Variants in GRID2 observed in about 807,000 individuals in gnomAD.
The protein encoded by GRID2 is glutamate receptor ionotropic, delta-2.
Under a neutral mutation model 114.8 loss-of-function variants are expected in GRID2, and 33 were observed. The observed-to-expected ratio is 0.29, with a 90% CI of 0.22 to 0.38. GRID2 has a LOEUF of 0.38. GRID2 is among the 10% of genes least tolerant of loss of function. The pLI is 1.00. For synonymous variants in GRID2, 505 were observed against 449.9 expected, an observed-to-expected ratio of 1.12 and a Z score of -1.55; for missense variants, 1,184 against 1,257.7, an observed-to-expected ratio of 0.94 and a Z score of 0.89.
chr4:92,611,131 CATGTGTGTGTGT>C (rs895455449), intron 2 of GRID2, among the ~76,000 whole-genome samples: 7 of 124,090 alleles, frequency 5.6e-5, no homozygotes, highest in Non-Finnish European at 8.6e-5. Context: ...TGTGTGTGTG[CATGTGTGTGTGT>C]GCATGTGTGT....
chr4:93,701,029 GCTTCA>G (rs1727463154), intron 14 of GRID2, among the ~76,000 whole-genome samples: 1 of 152,058 alleles, frequency 6.6e-6, no homozygotes, highest in Non-Finnish European at 1.5e-5. Flanking sequence ...TAATAAGCAA[GCTTCA>G]CAAAGAGTTA....
At chr4:93,518,014 TAC>T in intron 13 of GRID2, among the ~76,000 whole-genome samples, 1 of 42,296 alleles carries the variant, frequency 2.4e-5, no homozygotes. Context: ...TGTATGTATA[TAC>T]ATACATGTAC....
At chr4:92,867,289 G>GA (rs1744936853) in intron 2 of GRID2, among the ~76,000 whole-genome samples, 1 of 151,954 alleles carries the variant, frequency 6.6e-6, no homozygotes, top group African/African-American at 2.4e-5. Context: ...CAAAGTCACT[G>GA]AAAAAAAGTG....
At chr4:93,627,182 A>G (rs1296827358) in intron 14 of GRID2, among the ~76,000 whole-genome samples, 1 of 152,168 alleles carries the variant, frequency 6.6e-6, no homozygotes. Flanking sequence ...TTCCACATAG[A>G]AGTATATCCA....
chr4:92,444,744 G>A (rs372117949), intron 1 of GRID2, among the ~76,000 whole-genome samples: 2 of 152,140 alleles, frequency 1.3e-5, no homozygotes, highest in African/African-American at 4.8e-5. Context: ...CATAATAAAT[G>A]ACAAATGCCA....
intron 13 of GRID2, among the ~76,000 whole-genome samples, chr4:93,594,651 G>A (rs1050798060): frequency 6.6e-6 from 1 of 151,866 alleles, no homozygotes; most frequent in African/African-American, 2.4e-5. Flanking sequence ...CCCTCCCCCA[G>A]CCTCGCTGCC....
At chr4:92,837,454 G>T (rs1385649392) in intron 2 of GRID2, among the ~76,000 whole-genome samples, 1 of 148,176 alleles carries the variant, frequency 6.7e-6, no homozygotes, top group Non-Finnish European at 1.5e-5. Context: ...TCTAGACATA[G>T]CCTGTATTTG....
chr4:92,593,677 TTC>T (rs1043231997), intron 2 of GRID2, among the ~76,000 whole-genome samples: 1 of 151,782 alleles, frequency 6.6e-6, no homozygotes, highest in African/African-American at 2.4e-5. Context: ...AGAAAAAAAT[TTC>T]TGTTTTCACA....
intron 4 of GRID2, among the ~76,000 whole-genome samples, chr4:93,197,100 T>A (rs1365230828): frequency 6.6e-6 from 1 of 152,284 alleles, no homozygotes. Flanking sequence ...TTAGTCTCTT[T>A]CTCTATCAGT....
At chr4:92,834,956 G>A (rs944405420) in intron 2 of GRID2, among the ~76,000 whole-genome samples, 1 of 152,046 alleles carries the variant, frequency 6.6e-6, no homozygotes, top group Non-Finnish European at 1.5e-5. Context: ...TGTATGATGA[G>A]ACCCTGTTTC....
chr4:92,772,662 G>A (rs1265079667), intron 2 of GRID2, among the ~76,000 whole-genome samples: 6 of 151,970 alleles, frequency 3.9e-5, no homozygotes, highest in African/African-American at 1.2e-4. Context: ...CTATAAATTT[G>A]CGACCCCATG....
chr4:93,635,560 C>G (rs1721338568), intron 14 of GRID2, among the ~76,000 whole-genome samples: 1 of 151,976 alleles, frequency 6.6e-6, no homozygotes, highest in Admixed American at 6.6e-5. Flanking sequence ...ATTCCTATTT[C>G]AGAGCAACCT....
Position 92,790,416 on chromosome 4 carries a change from A to G in GRID2, c.244+200130A>G, listed in dbSNP as rs951650915. ...CAACATTAGAAAAAAATGTGTCTTT[A>G]TTTATTATCATATTTTTTGGACAAG... On this transcript the variant is annotated intron_variant, in intron 2 of 15. Transcript: ENST00000282020. Among the ~76,000 whole-genome samples, 8 of 151,884 alleles carry G rather than the reference A, an allele frequency of 5.3e-5. No individual in the cohort carries two copies. In the South Asian group the frequency reaches 1.5e-3, roughly 28 times the overall value.
chr4:93,502,715 C>A (rs914951249), intron 12 of GRID2, among the ~76,000 whole-genome samples: 4 of 117,164 alleles, frequency 3.4e-5, no homozygotes, highest in South Asian at 5.6e-4. Flanking sequence ...ACTCCCCCCC[C>A]CCACACACAC....
intron 1 of GRID2, among the ~76,000 whole-genome samples, chr4:93,802,254 T>G (rs34769076): frequency 0.012 from 1,760 of 152,288 alleles, 21 homozygotes; most frequent in Middle Eastern, 0.044. Flanking sequence ...GAATACAAAA[T>G]GAGTTCAGGC....
chr4:93,387,931 T>C (rs1367511503), intron 8 of GRID2, among the ~76,000 whole-genome samples: 2 of 151,946 alleles, frequency 1.3e-5, no homozygotes, highest in Non-Finnish European at 2.9e-5. Context: ...CCAATAAAAA[T>C]TGAAGTCTCA....
chr4:92,577,453 T>C (rs371279620), intron 1 of GRID2, among the ~76,000 whole-genome samples: 9 of 152,166 alleles, frequency 5.9e-5, no homozygotes, highest in East Asian at 3.9e-4. Flanking sequence ...CAGGTTTCAA[T>C]TTACAAAATG....
chr4:93,313,723 A>T (rs975369674), intron 8 of GRID2, among the ~76,000 whole-genome samples: 16 of 152,176 alleles, frequency 1.1e-4, no homozygotes, highest in Non-Finnish European at 2.1e-4. Context: ...GTAATATGAT[A>T]ATCAGTTATG....
intron 2 of GRID2, among the ~76,000 whole-genome samples, chr4:92,820,360 C>T (rs925857982): frequency 3.3e-5 from 5 of 152,066 alleles, no homozygotes; most frequent in African/African-American, 7.2e-5. Flanking sequence ...CTAAAGGGCA[C>T]TCTAATGCCT....
Sources: allele counts gnomAD v4.1 joint callset (sites outside exome capture counted in the v4.1 genomes callset), GRCh38; gene constraint gnomAD v4.1.1; transcripts MANE v1.5; gene names NCBI Gene and HGNC (gene_info 2026-07-23, HGNC 2026-07-21).